CFAP61: variants seen among roughly 807,000 people sequenced by gnomAD.
The protein encoded by CFAP61 is cilia- and flagella-associated protein 61.
CFAP61 carries 107 observed loss-of-function variants against 135.6 expected under a neutral mutation model. That is an observed-to-expected ratio of 0.79 (90% CI 0.67 to 0.93). The LOEUF is 0.93. Ranked by LOEUF, CFAP61 falls within the 40% of genes least tolerant of loss-of-function variation. CFAP61 has a pLI of 0.00. For synonymous variants in CFAP61, 575 were observed against 578.5 expected (o/e 0.99, Z 0.09); for missense variants, 1,507 against 1,556.2 (o/e 0.97, Z 0.53).
At chr20:20,323,404 T>C (rs974821235) in intron 25 of CFAP61, 35 of 560,876 alleles carry the variant, frequency 6.2e-5, no homozygotes, top group Non-Finnish European at 7.9e-5. Context: ...AACCAAATAA[T>C]AGACCCATCT....
At chr20:20,122,148 TTTGTTG>T (rs150838690) in intron 8 of CFAP61, among the ~76,000 whole-genome samples, 155 of 149,942 alleles carry the variant, frequency 1.0e-3, no homozygotes, top group African/African-American at 3.6e-3. Flanking sequence ...GTCATTCTTT[TTTGTTG>T]TTGTTGTTGT....
Position 20,257,620 on chromosome 20 carries a change from CAA to C in CFAP61, c.2329-5330_2329-5329del, listed in dbSNP as rs147860452. Among the ~76,000 whole-genome samples the C allele has an allele frequency of 6.5e-4, 38 of 58,244 alleles. 2 individuals carry two copies. The East Asian group carries it at 0.028, about 43-fold the overall frequency. 38.2% of individuals were successfully genotyped at this position (58,244 alleles called of 152,430 possible). On this transcript the variant is annotated intron_variant, in intron 20 of 26. Transcript: ENST00000245957. ...CAGAGCAAGACTGTCTCAAAAAAAA[CAA>C]AAAAACAAAAAAAAAAAAGAAAAAG...
intron 8 of CFAP61, among the ~76,000 whole-genome samples, chr20:20,119,537 G>A (rs755753868): frequency 1.3e-5 from 2 of 151,716 alleles, no homozygotes; most frequent in South Asian, 4.2e-4. Context: ...GTCTATTTTT[G>A]TACCTTTCAA....
Position 20,056,808 on chromosome 20 carries a change from A to G in CFAP61, c.143+12A>G. On this transcript the variant is annotated intron_variant, in intron 2 of 26. Coordinates refer to ENST00000245957, the MANE Select transcript of CFAP61 (RefSeq NM_015585.4). The stretch of plus-strand genomic sequence containing the variant: ...ATCATCTATCTTCTGTAAGTAGATA[A>G]CTAAGTTCAAGAATGTTCATCAATT... 6.2e-7 allele frequency: 1 copy of G among 1,613,144 alleles called. No homozygotes were observed. Among genetic ancestry groups the G allele is most frequent in the South Asian group, 1.1e-5 (1 of 91,028 alleles).
intron 7 of CFAP61, among the ~76,000 whole-genome samples, chr20:20,096,621 A>G (rs2146631161): frequency 6.6e-6 from 1 of 152,380 alleles, no homozygotes; most frequent in South Asian, 2.1e-4. Context: ...TTAGAAGGAC[A>G]TCTCCATGTG....
At chr20:20,084,821 T>C (rs566653757) in intron 6 of CFAP61, among the ~76,000 whole-genome samples, 2 of 152,250 alleles carry the variant, frequency 1.3e-5, no homozygotes, top group East Asian at 3.9e-4. Flanking sequence ...ATTTCCCAAG[T>C]AGGGTGTCCT....
intron 24 of CFAP61, among the ~76,000 whole-genome samples, chr20:20,297,411 A>AC (rs929215258): frequency 2.0e-5 from 3 of 151,802 alleles, no homozygotes; most frequent in Admixed American, 1.3e-4. Context: ...AGGTTCAGTC[A>AC]CCCCCCACAA....
intron 6 of CFAP61, among the ~76,000 whole-genome samples, chr20:20,075,915 A>G (rs1177701399): frequency 6.6e-6 from 1 of 152,114 alleles, no homozygotes; most frequent in African/African-American, 2.4e-5. Flanking sequence ...AAATAAAACA[A>G]GCTTAAAAAT....
At chr20:20,105,069 C>T (rs953645787) in intron 8 of CFAP61, among the ~76,000 whole-genome samples, 1 of 152,134 alleles carries the variant, frequency 6.6e-6, no homozygotes. Flanking sequence ...TGGTATCGTA[C>T]TGCCTTCCTC....
At chr20:20,148,621 C>T (rs555202124) in intron 9 of CFAP61, among the ~76,000 whole-genome samples, 1 of 152,202 alleles carries the variant, frequency 6.6e-6, no homozygotes, top group African/African-American at 2.4e-5. Flanking sequence ...GATTTGTGTA[C>T]ATTAATTTTG....
At chr20:20,316,473 T>C (rs1470286903) in intron 25 of CFAP61, among the ~76,000 whole-genome samples, 1 of 151,982 alleles carries the variant, frequency 6.6e-6, no homozygotes, top group Admixed American at 6.5e-5. Context: ...TATACAGTCA[T>C]GTCATCTGCA....
rs1394683091 is a variant in CFAP61, at chr20:20,169,315, T to C, written c.1246-6T>C. 12 of 1,612,778 alleles carry C rather than the reference T, an allele frequency of 7.4e-6. No individual in the cohort carries two copies. The highest frequency in any genetic ancestry group is 1.7e-4 in the Middle Eastern group (1 of 6,056). On this transcript the variant is annotated splice_polypyrimidine_tract_variant and splice_region_variant and intron_variant, in intron 12 of 26. Coordinates refer to ENST00000245957, the MANE Select transcript of CFAP61 (RefSeq NM_015585.4). The stretch of plus-strand genomic sequence containing the variant: ...TTCTCTGTGTCCTGGTTTTTGATGA[T>C]GTTAGGATAAGAACTTCTGTGTAAT...
rs1569311088 is a variant in CFAP61, at chr20:20,337,566, ATGGATGGATGGATAGATGTGGG to A, written c.3423-4251_3423-4230del. ...GGTGGATGGATGGATGGATGGATGGATGGATGGATGGATAGATGTGGGTGGATGGATGGATGGATAGATGGGT... is the reference window on the plus strand; with the variant it reads ...GGTGGATGGATGGATGGATGGATGGATGGATGGATGGATGGATAGATGGGT... On this transcript the variant is annotated intron_variant, in intron 25 of 26. Coordinates refer to ENST00000245957, the MANE Select transcript of CFAP61 (RefSeq NM_015585.4). Among the ~76,000 whole-genome samples the A allele has an allele frequency of 5.7e-3, 12 of 2,088 alleles. 2 individuals carry two copies. Among genetic ancestry groups the A allele is most frequent in the Non-Finnish European group, 0.037 (9 of 246 alleles). 1.4% of individuals were successfully genotyped at this position (2,088 alleles called of 152,430 possible).
At chr20:20,341,644 C>A (rs1019413984) in intron 25 of CFAP61, among the ~76,000 whole-genome samples, 187 bp from the exon 26 acceptor site, 1 of 152,156 alleles carries the variant, frequency 6.6e-6, no homozygotes, top group Non-Finnish European at 1.5e-5. Context: ...AATTATGGGA[C>A]CTGGCCTTAC....
intron 1 of CFAP61, among the ~76,000 whole-genome samples, chr20:20,055,465 A>G (rs1337552638): frequency 6.6e-6 from 1 of 152,284 alleles, no homozygotes; most frequent in Non-Finnish European, 1.5e-5. Context: ...TCCCAGGTAG[A>G]TGCATGGTTT....
chr20:20,314,484 T>C (rs2057000581), intron 25 of CFAP61, among the ~76,000 whole-genome samples: 1 of 151,326 alleles, frequency 6.6e-6, no homozygotes, highest in Admixed American at 6.6e-5. Flanking sequence ...TGCTGAGTGA[T>C]GCTTTCTTAT....
chr20:20,053,607 G>A lies in CFAP61; in HGVS notation c.-37+1016G>A, dbSNP rs574354272. 1.4e-4 allele frequency among the ~76,000 whole-genome samples: 21 copies of A among 152,250 alleles called. No individual in the cohort carries two copies. In the East Asian group the frequency reaches 3.3e-3, roughly 24 times the overall value. ...ATATTTATGTATGTAGTAATATCACGTCTACCAATGCAGATATTACTTTCA... is the reference window on the plus strand; with the variant it reads ...ATATTTATGTATGTAGTAATATCACATCTACCAATGCAGATATTACTTTCA... On this transcript the variant is annotated intron_variant, in intron 1 of 26. Coordinates refer to ENST00000245957, the MANE Select transcript of CFAP61 (RefSeq NM_015585.4).
At chr20:20,097,890 G>T (rs1303647272) in intron 7 of CFAP61, among the ~76,000 whole-genome samples, 2 of 152,176 alleles carry the variant, frequency 1.3e-5, no homozygotes, top group Admixed American at 1.3e-4. Context: ...AGGAGCTAGG[G>T]ACCGTGAACT....
chr20:20,153,531 C>T (rs2052629152), intron 9 of CFAP61, among the ~76,000 whole-genome samples: 1 of 151,928 alleles, frequency 6.6e-6, no homozygotes, highest in South Asian at 2.1e-4. Context: ...AATGAAATTT[C>T]TAATTGATAT....
Sources: allele counts gnomAD v4.1 joint callset (sites outside exome capture counted in the v4.1 genomes callset), GRCh38; gene constraint gnomAD v4.1.1; transcripts MANE v1.5; gene names NCBI Gene and HGNC (gene_info 2026-07-23, HGNC 2026-07-21).